ADAMTS12: variants seen among roughly 807,000 people sequenced by gnomAD.
The protein encoded by ADAMTS12 is A disintegrin and metalloproteinase with thrombospondin motifs 12.
Under a neutral mutation model 167.8 loss-of-function variants are expected in ADAMTS12, and 118 were observed. The observed-to-expected ratio is 0.70, with a 90% confidence interval of 0.61 to 0.82. The LOEUF (loss-of-function observed/expected upper bound fraction) is 0.82, where lower values mean the gene tolerates loss of function less well. Ranked by LOEUF, ADAMTS12 falls within the 40% of genes least tolerant of loss-of-function variation. The probability of loss-of-function intolerance (pLI) is 0.00; values close to 1 mark genes in which losing one functional copy is unlikely to be tolerated. For synonymous variants in ADAMTS12, 704 were observed against 716.9 expected, an observed-to-expected ratio of 0.98 and a Z score of 0.29; for missense variants, 1,916 against 1,998.8, an observed-to-expected ratio of 0.96 and a Z score of 0.79.
intron 2 of ADAMTS12, among the ~76,000 whole-genome samples, chr5:33,785,261 G>A (rs974531683): frequency 1.3e-5 from 2 of 151,838 alleles, no homozygotes; most frequent in East Asian, 1.9e-4. Flanking sequence ...CTTGGATAAG[G>A]CCAAAATTTC....
chr5:33,874,115 A>G (rs1750137845), intron 2 of ADAMTS12, among the ~76,000 whole-genome samples: 1 of 152,232 alleles, frequency 6.6e-6, no homozygotes, highest in Non-Finnish European at 1.5e-5. Flanking sequence ...TCTGTGAAAC[A>G]CACTATTTAG....
At chr5:33,775,226 T>C (rs894582020) in intron 2 of ADAMTS12, among the ~76,000 whole-genome samples, 1 of 152,208 alleles carries the variant, frequency 6.6e-6, no homozygotes, top group African/African-American at 2.4e-5. Flanking sequence ...TTGAGCCCTG[T>C]AAAAATATAA....
chr5:33,667,869 A>G (rs1287245424), intron 5 of ADAMTS12, among the ~76,000 whole-genome samples: 1 of 152,230 alleles, frequency 6.6e-6, no homozygotes, highest in Non-Finnish European at 1.5e-5. Flanking sequence ...GCTCAAAAGC[A>G]ACAGTTTTGG....
chr5:33,725,922 T>G (rs961079747), intron 3 of ADAMTS12, among the ~76,000 whole-genome samples: 1 of 152,196 alleles, frequency 6.6e-6, no homozygotes, highest in Non-Finnish European at 1.5e-5. Flanking sequence ...CGGGGGATTC[T>G]GATGCACACT....
At position 33,645,280 on chromosome 5, in the gene ADAMTS12, T is replaced by C. The variant is rs567149896; in HGVS notation, c.1480-1810A>G. On this transcript the variant is annotated intron_variant, in intron 9 of 23. Transcript: ENST00000504830. ...AAAGAATTTCCAAGTGAGAAAGTTA[T>C]TCACCAGTATTTCCACACACCCCCC... Among the ~76,000 whole-genome samples the C allele has an allele frequency of 2.4e-4, 36 of 152,192 alleles. No individual in the cohort carries two copies. In the South Asian group the frequency reaches 7.3e-3, roughly 31 times the overall value.
chr5:33,684,004 C>T lies in ADAMTS12; in HGVS notation c.686G>A (p.Arg229Lys), dbSNP rs1358552423. Residue 229 changes from arginine to lysine, a missense_variant, in exon 4 of 24, where the codon AGG (arginine) becomes AAG (lysine). Coordinates refer to ENST00000504830, the MANE Select transcript of ADAMTS12 (RefSeq NM_030955.4). ...GAGGCTTCTGCTTGGCAAGTTGTGC[C>T]TCTCCCACTTCTCCCGCCATAGCTC... Reference protein sequence around the residue: ...KQELWREKWERHNLPSRSLSR... With the variant: ...KQELWREKWEKHNLPSRSLSR... 1 of 1,608,404 alleles carries T rather than the reference C, an allele frequency of 6.2e-7. No homozygotes were observed. The highest frequency in any genetic ancestry group is 2.2e-5 in the East Asian group (1 of 44,726).
At chr5:33,530,570 G>A (rs776821345) in intron 23 of ADAMTS12, among the ~76,000 whole-genome samples, 1 of 152,216 alleles carries the variant, frequency 6.6e-6, no homozygotes, top group East Asian at 1.9e-4. Context: ...TCGTCGCTGT[G>A]TCTGTGAGTG....
At chr5:33,724,958 T>C (rs1352540274) in intron 3 of ADAMTS12, among the ~76,000 whole-genome samples, 1 of 152,148 alleles carries the variant, frequency 6.6e-6, no homozygotes, top group Admixed American at 6.5e-5. Flanking sequence ...TTTCCTCCCT[T>C]ATCCCTTATA....
chr5:33,693,420 T>C (rs1742627337), intron 3 of ADAMTS12, among the ~76,000 whole-genome samples: 1 of 152,230 alleles, frequency 6.6e-6, no homozygotes, highest in Non-Finnish European at 1.5e-5. Context: ...GCTTATTACA[T>C]ACCTGTGTAC....
intron 22 of ADAMTS12, among the ~76,000 whole-genome samples, chr5:33,542,276 A>T (rs1029534149): frequency 6.6e-5 from 10 of 152,240 alleles, no homozygotes; most frequent in Non-Finnish European, 1.3e-4. Context: ...GACCAATTCA[A>T]CAAGAGCTAA....
At chr5:33,644,402 G>A (rs1392863273) in intron 9 of ADAMTS12, among the ~76,000 whole-genome samples, 1 of 152,148 alleles carries the variant, frequency 6.6e-6, no homozygotes, top group Non-Finnish European at 1.5e-5. Context: ...AATTTTCTCA[G>A]CTCTAAATTC....
intron 16 of ADAMTS12, among the ~76,000 whole-genome samples, chr5:33,604,773 G>C (rs940594902): frequency 6.6e-6 from 1 of 152,066 alleles, no homozygotes; most frequent in Non-Finnish European, 1.5e-5. Context: ...AACTGCAAAA[G>C]TATTAGAAAG....
intron 3 of ADAMTS12, among the ~76,000 whole-genome samples, chr5:33,725,650 AC>A (rs1743953958): frequency 6.6e-6 from 1 of 152,254 alleles, no homozygotes; most frequent in South Asian, 2.1e-4. Flanking sequence ...CTGCAAGGAA[AC>A]AGGCACACAG....
intron 2 of ADAMTS12, among the ~76,000 whole-genome samples, chr5:33,798,188 ATTTTT>A (rs879896541): frequency 1.4e-5 from 2 of 146,580 alleles, no homozygotes; most frequent in Non-Finnish European, 3.0e-5. Context: ...CTCTCATGAC[ATTTTT>A]TTTTTTTAAT....
intron 5 of ADAMTS12, among the ~76,000 whole-genome samples, chr5:33,672,159 T>TCACATACA (rs1207235298): frequency 8.6e-6 from 1 of 116,872 alleles, no homozygotes; most frequent in Admixed American, 8.4e-5. Flanking sequence ...ATCCACATAC[T>TCACATACA]CACATACACA....
At chr5:33,667,852 T>C (rs945608515) in intron 5 of ADAMTS12, among the ~76,000 whole-genome samples, 11 of 152,204 alleles carry the variant, frequency 7.2e-5, no homozygotes, top group African/African-American at 2.7e-4. Flanking sequence ...AGAGGCAAGA[T>C]AGGGAAGCTC....
At chr5:33,850,736 G>A (rs999193214) in intron 2 of ADAMTS12, among the ~76,000 whole-genome samples, 2 of 152,168 alleles carry the variant, frequency 1.3e-5, no homozygotes, top group African/African-American at 4.8e-5. Context: ...GTCAAAGAGA[G>A]AGTTTTTTCC....
chr5:33,535,647 T>C (rs2111756903), intron 22 of ADAMTS12, among the ~76,000 whole-genome samples: 1 of 152,266 alleles, frequency 6.6e-6, no homozygotes, highest in East Asian at 1.9e-4. Flanking sequence ...CATGAGTATA[T>C]GGAGTGAAAC....
intron 2 of ADAMTS12, among the ~76,000 whole-genome samples, chr5:33,839,475 C>T (rs567537027): frequency 2.6e-5 from 4 of 152,196 alleles, no homozygotes; most frequent in Admixed American, 6.5e-5. Context: ...CTAAGTCACA[C>T]TGAGGCACAT....
Sources: gnomAD v4.1 joint callset for allele counts (sites outside exome capture counted in the v4.1 genomes callset) on GRCh38, gnomAD v4.1.1 for gene constraint, MANE v1.5 for transcripts, NCBI Gene and HGNC (gene_info 2026-07-23, HGNC 2026-07-21) for gene names.